MSL3: variants seen among roughly 807,000 people sequenced by gnomAD.
MSL3 encodes the protein MSL3-like 1.
A neutral mutation model predicts 37.2 loss-of-function variants in MSL3; 5 were observed. The observed-to-expected ratio is 0.13, with a 90% CI of 0.07 to 0.28. The LOEUF (loss-of-function observed/expected upper bound fraction) is 0.28, where lower values mean the gene tolerates loss of function less well. Among genes scored for constraint, MSL3 ranks in the 10% least tolerant of loss-of-function variants. The pLI is 1.00. For synonymous variants in MSL3, 149 were observed against 147.6 expected (o/e 1.01, Z -0.07); for missense variants, 315 against 408.5 (o/e 0.77, Z 1.97).
At chrX:11,770,981 T>A (rs2053227568) in intron 10 of MSL3, among the ~76,000 whole-genome samples, 1 of 112,242 alleles carries the variant, frequency 8.9e-6, no homozygotes, top group South Asian at 3.7e-4. Context: ...CCCTCAGTGC[T>A]CCACAGTGCA....
chrX:11,759,513 G>C (rs2053108527), intron 1 of MSL3: 1 of 757,701 alleles, frequency 1.3e-6, no homozygotes, highest in East Asian at 5.5e-5. Flanking sequence ...ATCTAGCCTG[G>C]AGTCTCTCCT....
intron 9 of MSL3, chrX:11,766,979 C>T (rs1217226842): frequency 1.3e-6 from 1 of 754,950 alleles, no homozygotes; most frequent in Non-Finnish European, 1.6e-6. Flanking sequence ...GCTGTGCTGA[C>T]TCCTTCAGGG....
chrX:11,768,441 G>T, intron 9 of MSL3, 132 bp from the exon 10 acceptor site: 1 of 446,546 alleles, frequency 2.2e-6, no homozygotes. Context: ...CTATCTGTTA[G>T]GAAAGTCTTA....
At chrX:11,758,232 C>T (rs1423303948), upstream of MSL3, 15 of 888,401 alleles carry the variant, frequency 1.7e-5, no homozygotes, top group East Asian at 1.2e-4. Flanking sequence ...CTCCGCCCGC[C>T]CCGGAGCCTC....
intron 9 of MSL3, chrX:11,767,348 A>C: frequency 1.6e-6 from 1 of 628,008 alleles, no homozygotes; most frequent in Non-Finnish European, 1.9e-6. Context: ...CACACATTTA[A>C]AGTTTTTAGT....
Position 11,765,652 on chromosome X carries a change from G to C in MSL3, c.1094G>C (p.Ser365Thr), listed in dbSNP as rs147804390. The change falls in exon 9 of 13, where the codon AGC (serine) becomes ACC (threonine). Residue 365 changes from serine (S) to threonine (T), a missense_variant. Ser to Thr is a moderately conservative substitution (Grantham distance 58). Transcript: ENST00000312196. Reference protein sequence around the residue: ...SANCDRLSESSASPQPKRRQQ... With the variant: ...SANCDRLSESTASPQPKRRQQ... ...AACTGTGACAGGCTTTCTGAGAGCA[G>C]CGCTTCACCTCAGCCCAAGCGCCGG... The C allele has an allele frequency of 1.7e-4, 202 of 1,210,453 alleles. 1 individual carries two copies. Among genetic ancestry groups the C allele is most frequent in the Non-Finnish European group, 2.2e-4 (197 of 895,248 alleles).
chrX:11,766,397 C>T, intron 9 of MSL3: 1 of 754,081 alleles, frequency 1.3e-6, no homozygotes, highest in South Asian at 6.7e-5. Context: ...AAAACAGGTG[C>T]CATGAATCAG....
intron 1 of MSL3, 163 bp downstream of exon 1, chrX:11,758,528 G>C: frequency 9.4e-7 from 1 of 1,061,236 alleles, no homozygotes; most frequent in Non-Finnish European, 1.2e-6. Context: ...GCTACGCCCG[G>C]GAGTCGGGGC....
At position 11,762,272 on chromosome X, in the gene MSL3, A is replaced by G. The variant is rs763297078; in HGVS notation, c.588+20A>G. 8 of 1,134,695 alleles carry G rather than the reference A, an allele frequency of 7.1e-6. 1 individual carries two copies. The South Asian group carries it at 1.5e-4, about 21-fold the overall frequency. The allele number at this position is 1,134,695 out of a possible 1,213,427, so 93.5% of individuals were successfully genotyped here. A position where few individuals can be genotyped will look rare whatever the true frequency, so the allele number is the denominator to read the frequency against. Reference sequence around the variant, plus strand: ...AAACGGGTATGTAGGGAGAATGTATAAAACATTAATTTGTTTGGCATTTTC... The same window carrying G: ...AAACGGGTATGTAGGGAGAATGTATGAAACATTAATTTGTTTGGCATTTTC... On this transcript the variant is annotated intron_variant, in intron 6 of 12. Transcript: ENST00000312196.
chrX:11,774,085 A>G (rs2053253889), intron 12 of MSL3, among the ~76,000 whole-genome samples: 1 of 111,964 alleles, frequency 8.9e-6, no homozygotes. Context: ...TCATATGTAT[A>G]TTGAAGATTC....
intron 10 of MSL3, chrX:11,769,068 A>G (rs1198005666): frequency 8.5e-6 from 1 of 118,168 alleles, no homozygotes; most frequent in Non-Finnish European, 1.7e-5. Flanking sequence ...TGAGTGTGCT[A>G]TATTCCAATA....
chrX:11,762,553 A>G (rs2053142416), intron 6 of MSL3, among the ~76,000 whole-genome samples: 1 of 112,398 alleles, frequency 8.9e-6, no homozygotes, highest in African/African-American at 3.2e-5. Flanking sequence ...AACTGCAGGT[A>G]TACTTGAAGA....
At chrX:11,758,555 C>T (rs1160783015) in intron 1 of MSL3, 190 bp downstream of exon 1, 3 of 1,101,002 alleles carry the variant, frequency 2.7e-6, no homozygotes, top group Non-Finnish European at 3.6e-6. Context: ...TGGGATGCTT[C>T]CACTTCCTTC....
At chrX:11,771,813 G>A (rs1008920131) in intron 10 of MSL3, among the ~76,000 whole-genome samples, 5 of 111,525 alleles carry the variant, frequency 4.5e-5, no homozygotes, top group African/African-American at 6.5e-5. Context: ...GCTCCCGACC[G>A]CAGTTGATCC....
chrX:11,758,487 C>T, intron 1 of MSL3, 122 bp downstream of exon 1: 1 of 975,469 alleles, frequency 1.0e-6, no homozygotes, highest in Non-Finnish European at 1.3e-6. Flanking sequence ...CTGCGAGGAG[C>T]GGTGCGGCCG....
In MSL3 at chrX:11,765,494, G is replaced by C. The variant is rs140170166; in HGVS notation, c.936G>C (p.Pro312=). ...NRSQEELSPS[P]PLLNPSTPQS... is the part of the protein sequence containing the mutation. ...GCCAGGAGGAACTCTCTCCCAGTCC[G>C]CCTTTGTTGAATCCATCCACGCCAC... Residue 312 remains proline, a synonymous_variant, in exon 9 of 13, where the codon CCG becomes CCC. Transcript: ENST00000312196. The C allele has an allele frequency of 2.5e-6, 3 of 1,197,743 alleles. No individual in the cohort carries two copies. Among genetic ancestry groups the C allele is most frequent in the South Asian group, 3.6e-5 (2 of 55,904 alleles).
intron 7 of MSL3, among the ~76,000 whole-genome samples, chrX:11,763,207 A>G (rs770614511): frequency 1.8e-5 from 2 of 113,232 alleles, no homozygotes; most frequent in Admixed American, 9.2e-5. Flanking sequence ...CACATCTTAC[A>G]TGGATGCATT....
rs2053268730 is a variant in MSL3 at position 11,775,738 on chromosome X, G to T, written c.*659G>T. On this transcript the variant is annotated 3_prime_UTR_variant, in exon 13 of 13. Coordinates refer to ENST00000312196, the MANE Select transcript of MSL3 (RefSeq NM_078629.4). The stretch of plus-strand genomic sequence containing the variant: ...ATTTTTGGTGATCTAAATAAAGCCT[G>T]TCTTGTTTGAAAGAACCAGGAGAGA... The T allele has an allele frequency of 8.9e-6, 1 of 112,798 alleles. No individual in the cohort carries two copies. Among genetic ancestry groups the T allele is most frequent in the African/African-American group, 3.2e-5 (1 of 31,022 alleles). The allele number at this position is 112,798 out of a possible 1,213,427, so 9.3% of individuals were successfully genotyped here.
At position 11,763,910 on chromosome X, in the gene MSL3, A is replaced by G. The variant is rs201234933; in HGVS notation, c.880A>G (p.Ile294Val). Residue 294 changes from isoleucine (I) to valine (V), a missense_variant, in exon 8 of 13, where the codon ATT becomes GTT. Ile to Val is a conservative substitution (Grantham distance 29, BLOSUM62 3). Coordinates refer to ENST00000312196, the MANE Select transcript of MSL3 (RefSeq NM_078629.4). ...GACTTCGTCTAAATTTTTTCTTCCA[A>G]TTAAGGAAAGTGCCACAAGCACTAA... ...KVTSSKFFLP[I>V]KESATSTNRS... 3 of 1,209,603 alleles carry G rather than the reference A, an allele frequency of 2.5e-6. No individual in the cohort carries two copies. The highest frequency in any genetic ancestry group is 1.8e-5 in the South Asian group (1 of 56,505).
Sources: allele counts gnomAD v4.1 joint callset (sites outside exome capture counted in the v4.1 genomes callset), GRCh38; gene constraint gnomAD v4.1.1; transcripts MANE v1.5; gene names NCBI Gene and HGNC (gene_info 2026-07-23, HGNC 2026-07-21).